Variants in RBFOX1 observed in about 807,000 individuals in gnomAD.
RBFOX1 encodes RNA binding fox-1 homolog 1.
In RBFOX1, 8 loss-of-function variants were observed where a neutral mutation model predicts 57.7. The ratio of observed to expected loss-of-function variants is 0.14; its 90% CI spans 0.08 to 0.25. RBFOX1 has a LOEUF of 0.25. Ranked by LOEUF, RBFOX1 falls within the 10% of genes least tolerant of loss-of-function variation. The pLI is 1.00. For missense variants in RBFOX1, 611 were observed against 548.5 expected, an observed-to-expected ratio of 1.11 and a Z score of -1.14; for synonymous variants, 326 against 222.4, an observed-to-expected ratio of 1.47 and a Z score of -4.15.
chr16:6,949,151 C>A (rs2080176378), intron 3 of RBFOX1, among the ~76,000 whole-genome samples: 1 of 151,998 alleles, frequency 6.6e-6, no homozygotes, highest in African/African-American at 2.4e-5. Flanking sequence ...TAACTGATGC[C>A]TTCCCCCACC....
rs143413173 is a variant in RBFOX1 at position 6,903,688 on chromosome 16, A to G, written c.-15-148369A>G. Among the ~76,000 whole-genome samples, 823 of 152,258 alleles carry G rather than the reference A, an allele frequency of 5.4e-3. 17 individuals are homozygous for G. The highest frequency in any genetic ancestry group is 0.019 in the African/African-American group (794 of 41,540). ...TTACCTAAAAAGAGATGCCTTTCAG[A>G]AAGTCTTTAAGGGCAGCAGAGCAAG... On this transcript the variant is annotated intron_variant, in intron 3 of 15. Transcript: ENST00000550418.
chr16:6,270,529 C>G (rs139043262), intron 1 of RBFOX1, among the ~76,000 whole-genome samples: 2 of 147,372 alleles, frequency 1.4e-5, no homozygotes, highest in African/African-American at 5.0e-5. Flanking sequence ...GTCAGTCCAA[C>G]AAGAATAGCA....
intron 5 of RBFOX1, among the ~76,000 whole-genome samples, chr16:7,545,761 C>T (rs1302949504): frequency 1.3e-5 from 2 of 152,008 alleles, no homozygotes; most frequent in East Asian, 1.9e-4. Context: ...GAACTGGGTC[C>T]CAGGAGCTAG....
intron 4 of RBFOX1, among the ~76,000 whole-genome samples, chr16:7,330,515 TGTGTGTGTGTAGAGAG>T (rs2096673904): frequency 1.6e-5 from 2 of 122,444 alleles, no homozygotes; most frequent in Non-Finnish European, 3.3e-5. Flanking sequence ...TGTGTTTGTG[TGTGTGTGTGTAGAGAG>T]AGAGAGAGAG....
At chr16:7,526,060 C>T (rs1227748777) in intron 5 of RBFOX1, among the ~76,000 whole-genome samples, 1 of 152,182 alleles carries the variant, frequency 6.6e-6, no homozygotes. Context: ...AGCTCTGCCT[C>T]CTGTCAGATC....
chr16:6,131,257 A>G (rs2096627727), intron 1 of RBFOX1, among the ~76,000 whole-genome samples: 1 of 152,194 alleles, frequency 6.6e-6, no homozygotes, highest in Non-Finnish European at 1.5e-5. Context: ...AAAGTCTTTA[A>G]ATCTTTATTA....
chr16:5,993,106 A>G (rs1404728169), intron 4 of RBFOX1, among the ~76,000 whole-genome samples: 1 of 152,134 alleles, frequency 6.6e-6, no homozygotes, highest in Non-Finnish European at 1.5e-5. Flanking sequence ...TCTAAAACTG[A>G]AAGAGATACG....
intron 1 of RBFOX1, among the ~76,000 whole-genome samples, chr16:5,339,170 C>T (rs2064972950): frequency 6.6e-6 from 1 of 152,148 alleles, no homozygotes; most frequent in South Asian, 2.1e-4. Flanking sequence ...TCCCCATAAA[C>T]TCCCAGCCTC....
At chr16:6,576,281 C>G (rs1353259191) in intron 2 of RBFOX1, among the ~76,000 whole-genome samples, 1 of 152,194 alleles carries the variant, frequency 6.6e-6, no homozygotes, top group Non-Finnish European at 1.5e-5. Flanking sequence ...GACACACACA[C>G]TCACTCATGC....
intron 4 of RBFOX1, among the ~76,000 whole-genome samples, chr16:7,084,852 T>C (rs1221285996): frequency 6.6e-6 from 1 of 150,496 alleles, no homozygotes; most frequent in Admixed American, 6.6e-5. Context: ...TCTGTCTGTC[T>C]TTCTGTCTAT....
At chr16:6,632,223 CT>C (rs1186618849) in intron 2 of RBFOX1, among the ~76,000 whole-genome samples, 2 of 151,860 alleles carry the variant, frequency 1.3e-5, no homozygotes, top group East Asian at 3.9e-4. Context: ...GCTGGAAGAA[CT>C]TTAGAGTCTG....
At chr16:7,447,005 G>A (rs1172327983) in intron 4 of RBFOX1, among the ~76,000 whole-genome samples, 1 of 150,680 alleles carries the variant, frequency 6.6e-6, no homozygotes, top group Non-Finnish European at 1.5e-5. Context: ...GTAGAGAATG[G>A]GTTTCACCAT....
rs537201329 is a variant in RBFOX1, at chr16:6,753,970, G to C, written c.-16+99320G>C. ...GAAGAGAATCACTCCTTATGGAGCT[G>C]ACTGTTGACTTGGATGCTTTTTACT... is the stretch of plus-strand genomic sequence containing the variant. On this transcript the variant is annotated intron_variant, in intron 3 of 15. Coordinates refer to ENST00000550418, the MANE Select transcript of RBFOX1 (RefSeq NM_018723.4). Among the ~76,000 whole-genome samples, 191 of 152,218 alleles carry C rather than the reference G, an allele frequency of 1.3e-3. 2 individuals carry two copies. The highest frequency in any genetic ancestry group is 5.4e-3 in the South Asian group (26 of 4,818).
chr16:7,106,693 C>G (rs2063643980), intron 4 of RBFOX1, among the ~76,000 whole-genome samples: 1 of 151,820 alleles, frequency 6.6e-6, no homozygotes, highest in African/African-American at 2.4e-5. Context: ...GATGTGTGAG[C>G]TCCATGCTAG....
chr16:5,270,862 G>T, intron 1 of RBFOX1: 1 of 415,278 alleles, frequency 2.4e-6, no homozygotes, highest in Non-Finnish European at 4.6e-6. Context: ...TCATGGTGAA[G>T]GTAGTAGTTC....
intron 15 of RBFOX1, 172 bp from the exon 16 acceptor site, chr16:7,710,451 A>T: frequency 6.9e-7 from 1 of 1,440,768 alleles, no homozygotes; most frequent in South Asian, 1.6e-5. Context: ...GCTATTGGGG[A>T]AGGTCAGGAA....
At chr16:6,022,174 A>C (rs2095093777) in intron 1 of RBFOX1, among the ~76,000 whole-genome samples, 2 of 151,992 alleles carry the variant, frequency 1.3e-5, no homozygotes, top group Non-Finnish European at 2.9e-5. Flanking sequence ...TTTTTGCAGC[A>C]GTTGTACATT....
intron 2 of RBFOX1, among the ~76,000 whole-genome samples, chr16:6,548,037 G>GACT (rs1195630357): frequency 1.3e-5 from 2 of 152,092 alleles, no homozygotes; most frequent in Admixed American, 6.6e-5. Context: ...GACAAGCTCA[G>GACT]ACTATTCATC....
intron 3 of RBFOX1, among the ~76,000 whole-genome samples, chr16:6,689,834 A>C (rs2059956034): frequency 6.6e-6 from 1 of 152,164 alleles, no homozygotes. Flanking sequence ...GAGGGCAGTA[A>C]GCTTTGTCTC....
Sources: gnomAD v4.1 joint callset for allele counts (sites outside exome capture counted in the v4.1 genomes callset) on GRCh38, gnomAD v4.1.1 for gene constraint, MANE v1.5 for transcripts, NCBI Gene and HGNC (gene_info 2026-07-23, HGNC 2026-07-21) for gene names.